The following KCNN2 variants were observed in gnomAD, a reference collection of about 807,000 sequenced individuals.
KCNN2 encodes potassium calcium-activated channel subfamily N member 2.
A neutral mutation model predicts 55.5 loss-of-function variants in KCNN2; 24 were observed. The observed-to-expected ratio is 0.43, with a 90% CI of 0.31 to 0.61. The LOEUF (loss-of-function observed/expected upper bound fraction) is 0.61, where lower values mean the gene tolerates loss of function less well. Among genes scored for constraint, KCNN2 ranks in the 20% least tolerant of loss-of-function variants. The pLI is 0.08. For synonymous variants in KCNN2, 431 were observed against 336.1 expected (o/e 1.28, Z -3.09); for missense variants, 754 against 853.6 (o/e 0.88, Z 1.45).
At chr5:114,291,333 T>A (rs926659312) in intron 2 of KCNN2, among the ~76,000 whole-genome samples, 1 of 151,968 alleles carries the variant, frequency 6.6e-6, no homozygotes, top group Non-Finnish European at 1.5e-5. Context: ...ATGCTATCCC[T>A]CCCCCCTCTC....
intron 2 of KCNN2, among the ~76,000 whole-genome samples, chr5:114,231,876 C>T (rs79432749): frequency 0.036 from 5,328 of 149,588 alleles, 608 homozygotes; most frequent in African/African-American, 0.13. Flanking sequence ...TTAAAACCTT[C>T]TACTTGGCAT....
chr5:114,086,743 A>T (rs192427824), intron 1 of KCNN2, among the ~76,000 whole-genome samples: 10 of 152,202 alleles, frequency 6.6e-5, no homozygotes, highest in African/African-American at 2.4e-4. Context: ...TGATGAACAC[A>T]CAAGTGAATG....
intron 1 of KCNN2, among the ~76,000 whole-genome samples, chr5:114,095,102 A>G (rs1243537553): frequency 6.6e-6 from 1 of 151,942 alleles, no homozygotes; most frequent in Non-Finnish European, 1.5e-5. Flanking sequence ...CTCTAACCAC[A>G]TCTGTTGTTT....
intron 1 of KCNN2, among the ~76,000 whole-genome samples, chr5:114,078,978 T>C (rs926878103): frequency 3.3e-5 from 5 of 152,140 alleles, no homozygotes; most frequent in African/African-American, 1.2e-4. Context: ...CAGTTGGAAA[T>C]TGAGTTGGAA....
intron 1 of KCNN2, among the ~76,000 whole-genome samples, chr5:114,110,931 T>C (rs1490371624): frequency 6.6e-6 from 1 of 152,032 alleles, no homozygotes; most frequent in Non-Finnish European, 1.5e-5. Flanking sequence ...ACATTATTCC[T>C]ACCCTCAGAA....
intron 1 of KCNN2, among the ~76,000 whole-genome samples, chr5:114,064,938 C>T (rs767139036): frequency 2.6e-4 from 40 of 152,142 alleles, no homozygotes; most frequent in Admixed American, 5.2e-4. Flanking sequence ...AGGCACAATG[C>T]TTAGGGTGCT....
rs1264043721 is a variant in KCNN2 at position 114,220,792 on chromosome 5, C to G, written c.-270-688C>G. 2.1e-5 allele frequency among the ~76,000 whole-genome samples: 3 copies of G among 144,806 alleles called. No homozygotes were observed. The Admixed American group carries it at 2.1e-4, about 10-fold the overall frequency. 95.0% of individuals were successfully genotyped at this position (144,806 alleles called of 152,430 possible). The stretch of plus-strand genomic sequence containing the variant: ...AGTCAGCTGAGATCGTGCCACTGCA[C>G]TCTAGCCTGCCTGACAGAGCTAGAC... On this transcript the variant is annotated intron_variant, in intron 1 of 10. Transcript: ENST00000512097.
chr5:114,302,580 G>C (rs1256117685), intron 2 of KCNN2, among the ~76,000 whole-genome samples: 1 of 152,068 alleles, frequency 6.6e-6, no homozygotes, highest in African/African-American at 2.4e-5. Context: ...GCAAAATAAA[G>C]AGCAAAATTT....
chr5:114,125,220 G>C (rs1751906615), intron 1 of KCNN2, among the ~76,000 whole-genome samples: 1 of 152,124 alleles, frequency 6.6e-6, no homozygotes, highest in Non-Finnish European at 1.5e-5. Context: ...TAGACTAAAA[G>C]TTAAACAAAT....
chr5:114,381,172 A>G (rs929447351), intron 2 of KCNN2, among the ~76,000 whole-genome samples: 32 of 152,332 alleles, frequency 2.1e-4, no homozygotes, highest in Non-Finnish European at 3.2e-4. Flanking sequence ...TTTTCTTAGC[A>G]TAAAGTTTTT....
intron 1 of KCNN2, among the ~76,000 whole-genome samples, chr5:114,075,019 C>T (rs923801069): frequency 1.3e-5 from 2 of 152,200 alleles, no homozygotes; most frequent in Non-Finnish European, 2.9e-5. Flanking sequence ...TCCCTTCTTC[C>T]TTCCCATCCC....
At chr5:114,312,298 T>G (rs1211422255) in intron 2 of KCNN2, among the ~76,000 whole-genome samples, 2 of 150,516 alleles carry the variant, frequency 1.3e-5, no homozygotes, top group Non-Finnish European at 3.0e-5. Context: ...ATGCAATAAA[T>G]TACTTCTTAA....
At position 114,473,104 on chromosome 5, in the gene KCNN2, A is replaced by G. The variant is rs756686527; in HGVS notation, c.1830A>G (p.Glu610=). 6 of 1,612,734 alleles carry G rather than the reference A, an allele frequency of 3.7e-6. No homozygotes were observed. The East Asian group carries it at 1.1e-4, about 30-fold the overall frequency. ...TAGCTGTAGTGGCAAGGAAGCTAGA[A>G]CTTACCAAAGCAGAAAAACACGTGC... is the stretch of plus-strand genomic sequence containing the variant. The part of the protein sequence containing the change: ...LVVAVVARKL[E]LTKAEKHVHN... The change falls in exon 5 of 8, where the codon GAA becomes GAG. Residue 610 remains glutamate, a synonymous_variant. Coordinates refer to ENST00000673685, the MANE Select transcript of KCNN2 (RefSeq NM_021614.4).
intron 1 of KCNN2, among the ~76,000 whole-genome samples, chr5:114,149,499 C>T (rs571006489): frequency 8.5e-5 from 13 of 152,150 alleles, no homozygotes; most frequent in East Asian, 1.9e-4. Flanking sequence ...CCCGTGATGC[C>T]GCCAATGCAC....
chr5:114,395,487 A>G (rs1758588065), intron 2 of KCNN2, among the ~76,000 whole-genome samples: 1 of 152,200 alleles, frequency 6.6e-6, no homozygotes, highest in Admixed American at 6.5e-5. Flanking sequence ...CAACCTCAGA[A>G]TTGAAAATGA....
At position 114,079,177 on chromosome 5, in the gene KCNN2, T is replaced by C. The variant is rs562993303; in HGVS notation, c.-271+22677T>C. Reference sequence around the variant, plus strand: ...AGGAAATTTTCTATTAAAAATAAAGTTAAGTTTGTTTCTGCTTCATCAATC... The same window carrying C: ...AGGAAATTTTCTATTAAAAATAAAGCTAAGTTTGTTTCTGCTTCATCAATC... On this transcript the variant is annotated intron_variant, in intron 1 of 10. Coordinates refer to the KCNN2 transcript ENST00000512097. Among the ~76,000 whole-genome samples, 32 of 152,302 alleles carry C rather than the reference T, an allele frequency of 2.1e-4. 1 individual carries two copies. In the South Asian group the frequency reaches 5.6e-3, roughly 27 times the overall value.
chr5:114,159,307 A>C (rs1441077346), intron 1 of KCNN2, among the ~76,000 whole-genome samples: 1 of 152,160 alleles, frequency 6.6e-6, no homozygotes, highest in Non-Finnish European at 1.5e-5. Context: ...GATTACATTT[A>C]TTGATTTTCA....
At chr5:114,207,575 T>A (rs1753800947) in intron 1 of KCNN2, among the ~76,000 whole-genome samples, 1 of 152,224 alleles carries the variant, frequency 6.6e-6, no homozygotes, top group South Asian at 2.1e-4. Flanking sequence ...AGATCTTATT[T>A]GGGCAAATTA....
chr5:114,407,143 C>G (rs1027341184), intron 3 of KCNN2, among the ~76,000 whole-genome samples: 2 of 151,962 alleles, frequency 1.3e-5, no homozygotes, highest in South Asian at 4.2e-4. Flanking sequence ...ATCCATGGTA[C>G]TGGGAACTTG....
Sources: allele counts gnomAD v4.1 joint callset (sites outside exome capture counted in the v4.1 genomes callset), GRCh38; gene constraint gnomAD v4.1.1; transcripts MANE v1.5; gene names NCBI Gene and HGNC (gene_info 2026-07-23, HGNC 2026-07-21).